CPNE7: variants seen among roughly 807,000 people sequenced by gnomAD.
CPNE7 encodes copine 7.
CPNE7 carries 78 observed loss-of-function variants against 66.5 expected under a neutral mutation model. The observed-to-expected ratio is 1.17, with a 90% CI of 0.98 to 1.42. The LOEUF (loss-of-function observed/expected upper bound fraction) is 1.42. CPNE7 is among the 40% of genes most tolerant of loss of function. The pLI is 0.00. For missense variants in CPNE7, 1,012 were observed against 776.6 expected, an observed-to-expected ratio of 1.30 and a Z score of -3.60; for synonymous variants, 468 against 336.7, an observed-to-expected ratio of 1.39 and a Z score of -4.27.
At chr16:89,592,439 T>C (rs1046176618) in intron 13 of CPNE7, among the ~76,000 whole-genome samples, 1 of 150,774 alleles carries the variant, frequency 6.6e-6, no homozygotes, top group African/African-American at 2.4e-5. Context: ...TTGTATGTTT[T>C]CTTTTTCAAT....
Position 89,576,069 on chromosome 16 carries a change from C to A in CPNE7, c.172C>A (p.Gln58Lys). The A allele has an allele frequency of 7.8e-7, 1 of 1,278,142 alleles. No individual in the cohort carries two copies. Among genetic ancestry groups the A allele is most frequent in the Non-Finnish European group, 9.9e-7 (1 of 1,011,984 alleles). The allele number at this position is 1,278,142 out of a possible 1,614,324, so 79.2% of individuals were successfully genotyped here. ...LLQQAQGQWV[Q>K]VGRTEVVRSS... ...GCAGCAGGCGCAGGGCCAGTGGGTG[C>A]AGGTAGGGCCGGGGCGTGGGAGGCC... The change falls in exon 1 of 15, where the codon CAG becomes AAG. Residue 58 changes from glutamine to lysine, a missense_variant and splice_region_variant. Transcript: ENST00000319518.
At chr16:89,579,499 G>A (rs571896281) in intron 2 of CPNE7, among the ~76,000 whole-genome samples, 21 of 149,214 alleles carry the variant, frequency 1.4e-4, no homozygotes, top group East Asian at 8.1e-4. Flanking sequence ...CCCGTCACAC[G>A]GAACATCCCA....
chr16:89,593,177 C>A (rs1463163095), intron 13 of CPNE7, among the ~76,000 whole-genome samples: 1 of 151,988 alleles, frequency 6.6e-6, no homozygotes, highest in Non-Finnish European at 1.5e-5. Context: ...GATCAAACAT[C>A]ACCCGTCTAC....
At position 89,591,096 on chromosome 16, in the gene CPNE7, G is replaced by C. The variant is rs200603550; in HGVS notation, c.1169-31G>C. On this transcript the variant is annotated intron_variant, in intron 12 of 14. Coordinates refer to ENST00000319518, the MANE Select transcript of CPNE7 (RefSeq NM_153636.3). ...GGCAGGCCTGGGGAGGGGAGTGCAGGGGGGCCGGGCTCACCCCCTGCCCCC... is the reference window on the plus strand; with the variant it reads ...GGCAGGCCTGGGGAGGGGAGTGCAGCGGGGCCGGGCTCACCCCCTGCCCCC... The C allele has an allele frequency of 1.1e-4, 178 of 1,613,372 alleles. No individual in the cohort carries two copies. The Admixed American group carries it at 2.8e-3, about 26-fold the overall frequency.
At chr16:89,590,380 C>T (rs1344769795) in intron 11 of CPNE7, among the ~76,000 whole-genome samples, 3 of 152,072 alleles carry the variant, frequency 2.0e-5, no homozygotes, top group Admixed American at 1.3e-4. Flanking sequence ...CAAAAATTAG[C>T]TGGGCGTGGT....
chr16:89,590,660 C>T (rs2059152772), intron 11 of CPNE7, among the ~76,000 whole-genome samples: 1 of 150,580 alleles, frequency 6.6e-6, no homozygotes, highest in Admixed American at 6.6e-5. Context: ...TGTTTCATGA[C>T]TCTGCAGAAC....
intron 8 of CPNE7, 115 bp from the exon 9 acceptor site, chr16:89,586,928 A>G: frequency 8.8e-7 from 1 of 1,140,140 alleles, no homozygotes; most frequent in Non-Finnish European, 1.3e-6. Flanking sequence ...GGGAGAGGAG[A>G]GGAGGGTGGC....
Position 89,587,755 on chromosome 16 carries a change from ACCC to A in CPNE7, c.927+654_927+656del, listed in dbSNP as rs1567960915. ...CCCACAGATACACGGCCCCCGTGTC[ACCC>A]GCGTGTCACCCACAGAAACACGGCC... On this transcript the variant is annotated intron_variant, in intron 9 of 14. Transcript: ENST00000319518. 5.6e-4 allele frequency: 41 copies of A among 73,488 alleles called. 2 individuals carry two copies. The highest frequency in any genetic ancestry group is 6.0e-3 in the Middle Eastern group (1 of 168). 4.6% of individuals were successfully genotyped at this position (73,488 alleles called of 1,614,324 possible). A position where few individuals can be genotyped will look rare whatever the true frequency, so the allele number is the denominator to read the frequency against.
chr16:89,595,345 G>C (rs2059237054), intron 13 of CPNE7, 22 bp from the exon 14 acceptor site: 1 of 1,544,202 alleles, frequency 6.5e-7, no homozygotes, highest in Middle Eastern at 1.8e-4. Context: ...TGGTGTTGCT[G>C]ATGCCTTTCC....
chr16:89,584,995 C>T lies in CPNE7; in HGVS notation c.591+138C>T. ...GGGCTTTGGTGGCTGTGGCTATGGC[C>T]AGAATCCAACAGGGAGCCGCAGGCG... On this transcript the variant is annotated intron_variant, in intron 5 of 14. Coordinates refer to ENST00000319518, the MANE Select transcript of CPNE7 (RefSeq NM_153636.3). This position sits in a 1 kb window ranked among gnomAD's most constrained non-coding sequence, Gnocchi z 6.0. 3 of 762,000 alleles carry T rather than the reference C, an allele frequency of 3.9e-6. No homozygotes were observed. Among genetic ancestry groups the T allele is most frequent in the Non-Finnish European group, 4.3e-6 (2 of 466,610 alleles). 47.2% of individuals were successfully genotyped at this position (762,000 alleles called of 1,614,324 possible). A position where few individuals can be genotyped will look rare whatever the true frequency, so the allele number is the denominator to read the frequency against.
chr16:89,577,556 G>T lies in CPNE7; in HGVS notation c.192G>T (p.Val64=), dbSNP rs2058879646. 1 of 1,551,784 alleles carries T rather than the reference G, an allele frequency of 6.4e-7. No individual in the cohort carries two copies. The highest frequency in any genetic ancestry group is 1.2e-5 in the South Asian group (1 of 84,054). ...GQWVQVGRTE[V]VRSSLHPVFS... ...ACTTGCAGGTGGGCAGAACCGAGGTGGTCCGGAGCAGCCTGCATCCCGTGT... is the reference window on the plus strand; with the variant it reads ...ACTTGCAGGTGGGCAGAACCGAGGTTGTCCGGAGCAGCCTGCATCCCGTGT... The change falls in exon 2 of 15, where the codon GTG becomes GTT. Residue 64 remains valine (V), a synonymous_variant. Transcript: ENST00000319518.
intron 2 of CPNE7, among the ~76,000 whole-genome samples, chr16:89,581,847 T>TGG (rs1472063151): frequency 6.6e-6 from 1 of 152,192 alleles, no homozygotes; most frequent in Middle Eastern, 3.2e-3. Context: ...GGTCTCACCA[T>TGG]GTTGCCCCAA....
rs140031726 is a variant in CPNE7, at chr16:89,583,470, C to G, written c.358-227C>G. On this transcript the variant is annotated intron_variant, in intron 2 of 14. Coordinates refer to ENST00000319518, the MANE Select transcript of CPNE7 (RefSeq NM_153636.3). Reference sequence around the variant, plus strand: ...TATGATGACCTCTGCCTCCCCTGGGCGACTGCTGGCGCCGTGAGGTGGTGG... The same window carrying G: ...TATGATGACCTCTGCCTCCCCTGGGGGACTGCTGGCGCCGTGAGGTGGTGG... The G allele has an allele frequency of 3.2e-6, 5 of 1,550,916 alleles. No homozygotes were observed. The African/African-American group carries it at 6.8e-5, about 21-fold the overall frequency.
At chr16:89,592,765 A>T (rs1597720258) in intron 13 of CPNE7, among the ~76,000 whole-genome samples, 1 of 149,112 alleles carries the variant, frequency 6.7e-6, no homozygotes. Flanking sequence ...TTGTGATAAA[A>T]TATGCACAGT....
Position 89,576,005 on chromosome 16 carries a change from C to G in CPNE7, c.108C>G (p.Arg36=). The G allele has an allele frequency of 7.3e-7, 1 of 1,375,390 alleles. No individual in the cohort carries two copies. Among genetic ancestry groups the G allele is most frequent in the Non-Finnish European group, 9.4e-7 (1 of 1,063,576 alleles). The allele number at this position is 1,375,390 out of a possible 1,614,324, so 85.2% of individuals were successfully genotyped here. A position where few individuals can be genotyped will look rare whatever the true frequency, so the allele number is the denominator to read the frequency against. The part of the protein sequence containing the change: ...LRLSCRHLLD[R]DPLTKSDPSV... Reference sequence around the variant, plus strand: ...TCAGCTGCCGGCACCTGCTGGACCGCGACCCGCTCACCAAGTCCGACCCCA... The same window carrying G: ...TCAGCTGCCGGCACCTGCTGGACCGGGACCCGCTCACCAAGTCCGACCCCA... The change falls in exon 1 of 15, where the codon CGC becomes CGG. Residue 36 remains arginine, a synonymous_variant. Coordinates refer to ENST00000319518, the MANE Select transcript of CPNE7 (RefSeq NM_153636.3).
At chr16:89,583,637 T>A in intron 2 of CPNE7, 60 bp from the exon 3 acceptor site, 8 of 1,608,316 alleles carry the variant, frequency 5.0e-6, no homozygotes, top group Non-Finnish European at 6.8e-6. Context: ...CGCGGTGGGG[T>A]CTCCAGGGTC....
rs1418280368 is a variant in CPNE7 at position 89,588,677 on chromosome 16, G to A, written c.930G>A (p.Val310=). ...TCCTGGCTCCCGGCCCACTGCAGGT[G>A]GCCATTGACTTCACCGCCTCCAATG... is the stretch of plus-strand genomic sequence containing the variant. The part of the protein sequence containing the change: ...IMGGCQIHFT[V]AIDFTASNGD... Residue 310 remains valine (V), a splice_region_variant and synonymous_variant, in exon 10 of 15, where the codon GTG becomes GTA. Transcript: ENST00000319518. The A allele has an allele frequency of 6.2e-7, 1 of 1,613,124 alleles. No individual in the cohort carries two copies. The highest frequency in any genetic ancestry group is 1.7e-5 in the Admixed American group (1 of 60,016).
intron 2 of CPNE7, chr16:89,578,962 C>G (rs1340928417): frequency 7.4e-6 from 12 of 1,611,448 alleles, no homozygotes; most frequent in Non-Finnish European, 9.3e-6. Context: ...GGAATCCTCA[C>G]ACCTTGCCAG....
At chr16:89,585,082 A>G (rs1420784772) in intron 5 of CPNE7, among the ~76,000 whole-genome samples, 1 of 152,146 alleles carries the variant, frequency 6.6e-6, no homozygotes, top group Non-Finnish European at 1.5e-5. Flanking sequence ...CGTGGCTGTG[A>G]TTATTTTTAG....
Sources: gnomAD v4.1 joint callset for allele counts (sites outside exome capture counted in the v4.1 genomes callset) on GRCh38, gnomAD v4.1.1 for gene constraint, Gnocchi (gnomAD v3.1) non-coding constraint, MANE v1.5 for transcripts, NCBI Gene and HGNC (gene_info 2026-07-23, HGNC 2026-07-21) for gene names.